Variants in AP4E1 observed in about 807,000 individuals in gnomAD.
AP4E1 encodes adaptor related protein complex 4 subunit epsilon 1, also known as AP-4 complex subunit epsilon-1.
A neutral mutation model predicts 128.2 loss-of-function variants in AP4E1; 56 were observed. The observed-to-expected ratio is 0.44, with a 90% CI of 0.35 to 0.55. AP4E1 has a LOEUF of 0.55. Among genes scored for constraint, AP4E1 ranks in the 20% least tolerant of loss-of-function variants. The pLI, the probability that AP4E1 is intolerant of heterozygous loss-of-function variation, is 0.00. For missense variants in AP4E1, 1,324 were observed against 1,307.7 expected (o/e 1.01, Z -0.19); for synonymous variants, 484 against 473.1 (o/e 1.02, Z -0.30).
intron 10 of AP4E1, among the ~76,000 whole-genome samples, chr15:50,944,105 A>G (rs2064023806): frequency 1.3e-5 from 2 of 152,212 alleles, no homozygotes; most frequent in Non-Finnish European, 2.9e-5. Flanking sequence ...CCTTACCTGC[A>G]GCGAGAAAAG....
intron 11 of AP4E1, among the ~76,000 whole-genome samples, chr15:50,948,446 G>A (rs1215819816): frequency 6.7e-6 from 1 of 149,840 alleles, no homozygotes; most frequent in East Asian, 2.0e-4. Context: ...GTCCTGCCTC[G>A]TCTCTACTTC....
chr15:50,999,458 A>C (rs1595585302), intron 19 of AP4E1, among the ~76,000 whole-genome samples, 196 bp downstream of exon 19: 1 of 152,328 alleles, frequency 6.6e-6, no homozygotes, highest in South Asian at 2.1e-4. Flanking sequence ...GTAATTATGA[A>C]TTGTGCTATG....
intron 3 of AP4E1, among the ~76,000 whole-genome samples, chr15:50,922,732 C>G (rs182911753): frequency 3.0e-4 from 46 of 151,850 alleles, no homozygotes; most frequent in African/African-American, 1.0e-3. Context: ...TGAGTCCTGG[C>G]TCCACCATGT....
chr15:50,908,992 T>A, intron 1 of AP4E1, 64 bp downstream of exon 1: 1 of 1,596,882 alleles, frequency 6.3e-7, no homozygotes, highest in East Asian at 2.3e-5. Flanking sequence ...CAGGAGGCCC[T>A]GGCCGGGCGG....
intron 10 of AP4E1, among the ~76,000 whole-genome samples, chr15:50,943,166 T>C (rs1190713605): frequency 2.6e-5 from 4 of 152,136 alleles, no homozygotes; most frequent in African/African-American, 9.7e-5. Flanking sequence ...TTTCTGTTTT[T>C]GCATTAATTC....
At chr15:50,929,890 T>G (rs1484617700) in intron 6 of AP4E1, among the ~76,000 whole-genome samples, 1 of 152,136 alleles carries the variant, frequency 6.6e-6, no homozygotes, top group Admixed American at 6.6e-5. Flanking sequence ...AAATTTTCCC[T>G]TGATACATAA....
intron 16 of AP4E1, among the ~76,000 whole-genome samples, chr15:50,987,055 G>A (rs546354109): frequency 6.6e-6 from 1 of 152,282 alleles, no homozygotes; most frequent in Non-Finnish European, 1.5e-5. Context: ...ATGTGTCCAG[G>A]AATTTATCCA....
chr15:50,909,999 T>G (rs1596448608), intron 1 of AP4E1, among the ~76,000 whole-genome samples: 1 of 151,742 alleles, frequency 6.6e-6, no homozygotes, highest in African/African-American at 2.4e-5. Flanking sequence ...AATTTTTAAA[T>G]TTTTAATGAC....
intron 16 of AP4E1, among the ~76,000 whole-genome samples, chr15:50,985,852 T>G (rs913184205): frequency 4.6e-5 from 7 of 152,178 alleles, no homozygotes; most frequent in African/African-American, 7.2e-5. Flanking sequence ...GTGAAGACAG[T>G]CATTGGTAGC....
intron 10 of AP4E1, among the ~76,000 whole-genome samples, chr15:50,942,809 A>G (rs1443647273): frequency 1.3e-5 from 2 of 151,736 alleles, no homozygotes; most frequent in East Asian, 1.9e-4. Context: ...AAATCATTCA[A>G]TATCTTTATT....
At chr15:50,969,660 CTTTTTTTTTTT>C (rs370228298) in intron 15 of AP4E1, among the ~76,000 whole-genome samples, 2 of 133,978 alleles carry the variant, frequency 1.5e-5, no homozygotes, top group African/African-American at 5.5e-5. Flanking sequence ...CAATATCTTT[CTTTTTTTTTTT>C]TTTTTTAGAC....
At chr15:50,996,425 G>T (rs2064875786) in intron 17 of AP4E1, among the ~76,000 whole-genome samples, 1 of 151,648 alleles carries the variant, frequency 6.6e-6, no homozygotes, top group Admixed American at 6.6e-5. Flanking sequence ...TAAAATGTTA[G>T]TTCTTATTAG....
At chr15:50,966,372 G>T (rs2064392034) in intron 14 of AP4E1, among the ~76,000 whole-genome samples, 1 of 152,140 alleles carries the variant, frequency 6.6e-6, no homozygotes, top group Non-Finnish European at 1.5e-5. Flanking sequence ...CTCAAGGGCA[G>T]AGGCCTTGTT....
At chr15:50,967,773 A>G (rs1206815815) in intron 14 of AP4E1, among the ~76,000 whole-genome samples, 1 of 152,178 alleles carries the variant, frequency 6.6e-6, no homozygotes, top group Non-Finnish European at 1.5e-5. Flanking sequence ...AGGTGATCTG[A>G]TTATAGATGT....
chr15:50,915,647 G>A lies in AP4E1; in HGVS notation c.346+76G>A, dbSNP rs1356127708. 3 of 1,481,326 alleles carry A rather than the reference G, an allele frequency of 2.0e-6. No homozygotes were observed. In the African/African-American group the frequency reaches 4.2e-5, roughly 21 times the overall value. The allele number at this position is 1,481,326 out of a possible 1,614,324, so 91.8% of individuals were successfully genotyped here. A position where few individuals can be genotyped will look rare whatever the true frequency, so the allele number is the denominator to read the frequency against. Reference sequence around the variant, plus strand: ...CATCTATTATACAAAATGAATGATGGCATGTATATAGTATGTTTTTAGAAT... The same window carrying A: ...CATCTATTATACAAAATGAATGATGACATGTATATAGTATGTTTTTAGAAT... On this transcript the variant is annotated intron_variant, in intron 3 of 20. Coordinates refer to ENST00000261842, the MANE Select transcript of AP4E1 (RefSeq NM_007347.5).
intron 13 of AP4E1, among the ~76,000 whole-genome samples, chr15:50,953,398 T>C (rs1031324941): frequency 6.6e-6 from 1 of 152,220 alleles, no homozygotes; most frequent in African/African-American, 2.4e-5. Flanking sequence ...GGTCTGAAAA[T>C]AGGAAATGGA....
chr15:50,983,792 A>G (rs1261948108), intron 15 of AP4E1, among the ~76,000 whole-genome samples: 1 of 152,198 alleles, frequency 6.6e-6, no homozygotes, highest in African/African-American at 2.4e-5. Context: ...GTAAAAATAA[A>G]GGATAGTTGG....
At chr15:50,943,376 G>C (rs1384915713) in intron 10 of AP4E1, among the ~76,000 whole-genome samples, 1 of 151,844 alleles carries the variant, frequency 6.6e-6, no homozygotes, top group African/African-American at 2.4e-5. Context: ...ATTTTAAAAG[G>C]CATTTGAAAC....
chr15:50,923,980 T>A lies in AP4E1; in HGVS notation c.396T>A (p.Leu132=). 3 of 1,611,628 alleles carry A rather than the reference T, an allele frequency of 1.9e-6. No individual in the cohort carries two copies. Among genetic ancestry groups the A allele is most frequent in the Non-Finnish European group, 1.7e-6 (2 of 1,178,084 alleles). Residue 132 remains leucine, a synonymous_variant, in exon 4 of 21, where the codon CTT becomes CTA. Transcript: ENST00000261842. ...LFLHESHELL[L]LLVNTVVKDL... is the part of the protein sequence containing the mutation. The stretch of plus-strand genomic sequence containing the variant: ...TACATGAAAGTCATGAATTATTGCT[T>A]CTCCTTGTGAATACAGTTGTAAAGG...
Sources: gnomAD v4.1 joint callset for allele counts (sites outside exome capture counted in the v4.1 genomes callset) on GRCh38, gnomAD v4.1.1 for gene constraint, MANE v1.5 for transcripts, NCBI Gene and HGNC (gene_info 2026-07-23, HGNC 2026-07-21) for gene names.